The following ZNF350 variants were observed in gnomAD, a reference collection of about 807,000 sequenced individuals.
The protein encoded by ZNF350 is zinc finger protein 350.
Under a neutral mutation model 13.1 loss-of-function variants are expected in ZNF350, and 5 were observed. The observed-to-expected ratio is 0.38, with a 90% CI of 0.20 to 0.80. The LOEUF is 0.80. ZNF350 is among the 30% of genes least tolerant of loss of function. The pLI is 0.43. For synonymous variants in ZNF350, 199 were observed against 224.2 expected (o/e 0.89, Z 1.00); for missense variants, 534 against 644.2 (o/e 0.83, Z 1.85).
intron 2 of ZNF350, among the ~76,000 whole-genome samples, chr19:51,971,199 A>G (rs1254683997): frequency 6.6e-6 from 1 of 152,260 alleles, no homozygotes. Flanking sequence ...TACAGAGGCC[A>G]GTGAACACAC....
chr19:51,975,956 G>C (rs1350042361), intron 1 of ZNF350, among the ~76,000 whole-genome samples: 1 of 152,356 alleles, frequency 6.6e-6, no homozygotes. Context: ...ACAGCAAACT[G>C]TTTATCATGA....
intron 2 of ZNF350, among the ~76,000 whole-genome samples, chr19:51,969,997 A>G (rs1017274202): frequency 3.3e-5 from 5 of 151,508 alleles, no homozygotes; most frequent in African/African-American, 7.3e-5. Flanking sequence ...GGAGCAGGCA[A>G]TTCTTCTGCC....
Position 51,969,057 on chromosome 19 carries a change from C to A in ZNF350, c.90G>T (p.Lys30Asn). ...EEWQLLGAAQ[K>N]DLYRDVMLEN... Reference sequence around the variant, plus strand: ...CCAACATCACATCCCGGTACAGGTCCTTCTGAGCAGCGCCCAGGAGTTGCC... The same window carrying A: ...CCAACATCACATCCCGGTACAGGTCATTCTGAGCAGCGCCCAGGAGTTGCC... The change falls in exon 3 of 5, where the codon AAG (lysine) becomes AAT (asparagine). Residue 30 changes from lysine (K) to asparagine (N), a missense_variant. Transcript: ENST00000243644. The A allele has an allele frequency of 6.2e-7, 1 of 1,614,146 alleles. No individual in the cohort carries two copies. Among genetic ancestry groups the A allele is most frequent in the South Asian group, 1.1e-5 (1 of 91,082 alleles).
chr19:51,968,567 G>C lies in ZNF350; in HGVS notation c.238+11C>G. On this transcript the variant is annotated intron_variant, in intron 4 of 4. Transcript: ENST00000243644. ...GACTTCCATAGCCTTCTGTCTTGTG[G>C]GTTCTCTCACCTGAACAGGCTCCAC... 1 of 1,612,230 alleles carries C rather than the reference G, an allele frequency of 6.2e-7. No individual in the cohort carries two copies. Among genetic ancestry groups the C allele is most frequent in the Non-Finnish European group, 8.5e-7 (1 of 1,178,400 alleles).
At chr19:51,974,194 CATG>C (rs1478488973) in intron 2 of ZNF350, 149 bp downstream of exon 2, 2 of 721,588 alleles carry the variant, frequency 2.8e-6, no homozygotes, top group Non-Finnish European at 4.4e-6. Context: ...TACTATTTTG[CATG>C]ATATTGAGTT....
chr19:51,977,045 T>C (rs907515136), intron 1 of ZNF350, among the ~76,000 whole-genome samples: 7 of 152,222 alleles, frequency 4.6e-5, no homozygotes, highest in African/African-American at 1.7e-4. Context: ...AATTGGCCTA[T>C]ACTGCCTCCT....
At chr19:51,966,281 G>GTTTTTTTTT (rs72177430) in intron 4 of ZNF350, 67 bp from the exon 5 acceptor site, 11 of 1,409,158 alleles carry the variant, frequency 7.8e-6, no homozygotes, top group African/African-American at 7.7e-5. Context: ...TGGTTTTTTT[G>GTTTTTTTTT]TTTTTTTTGT....
intron 1 of ZNF350, among the ~76,000 whole-genome samples, chr19:51,983,220 T>G (rs931771382): frequency 9.2e-5 from 14 of 152,138 alleles, no homozygotes; most frequent in African/African-American, 3.4e-4. Context: ...CATTCTCCAG[T>G]CTCAAGTACC....
chr19:51,977,789 A>C (rs1194366072), intron 1 of ZNF350, among the ~76,000 whole-genome samples: 1 of 152,250 alleles, frequency 6.6e-6, no homozygotes, highest in Admixed American at 6.5e-5. Flanking sequence ...TGAGGTGTAC[A>C]AAAAACTTGG....
intron 1 of ZNF350, among the ~76,000 whole-genome samples, chr19:51,975,273 G>A (rs956066449): frequency 3.3e-5 from 5 of 151,886 alleles, no homozygotes; most frequent in African/African-American, 1.2e-4. Context: ...GTCCGAGACC[G>A]GCCTAGCCAA....
At position 51,966,016 on chromosome 19, in the gene ZNF350, C is replaced by T. The variant is rs887248246; in HGVS notation, c.437G>A (p.Ser146Asn). 2 of 1,613,934 alleles carry T rather than the reference C, an allele frequency of 1.2e-6. No homozygotes were observed. Among genetic ancestry groups the T allele is most frequent in the African/African-American group, 1.3e-5 (1 of 74,904 alleles). Reference sequence around the variant, plus strand: ...AGAGTTCTTTATTTCATAGCCTTTGCTCTGGTTAACTAAAGTTAAATTGGA... The same window carrying T: ...AGAGTTCTTTATTTCATAGCCTTTGTTCTGGTTAACTAAAGTTAAATTGGA... ...LKSNLTLVNQ[S>N]KGYEIKNSVE... is the part of the protein sequence containing the mutation. The change falls in exon 5 of 5, where the codon AGC becomes AAC. Residue 146 changes from serine (S) to asparagine (N), a missense_variant. Physicochemically the swap from Ser to Asn is conservative, Grantham distance 46. Transcript: ENST00000243644.
chr19:51,969,015 C>A lies in ZNF350; in HGVS notation c.132G>T (p.Leu44=). The change falls in exon 3 of 5, where the codon CTG becomes CTT. Residue 44 remains leucine (L), a synonymous_variant. Transcript: ENST00000243644. ...GGCAGCTGTCCTCACCCACTGCCAC[C>A]AGGTTGCTGTAGTTCTCCAACATCA... ...RDVMLENYSN[L]VAVGYQASKP... 6.2e-7 allele frequency: 1 copy of A among 1,614,050 alleles called. No homozygotes were observed. The highest frequency in any genetic ancestry group is 8.5e-7 in the Non-Finnish European group (1 of 1,179,964).
chr19:51,967,135 T>G (rs1156939423), intron 4 of ZNF350, among the ~76,000 whole-genome samples: 5 of 152,200 alleles, frequency 3.3e-5, no homozygotes, highest in African/African-American at 1.2e-4. Context: ...AAAGACAGAT[T>G]TGGCTGCTTT....
At chr19:51,986,743 C>T (rs190127487) in intron 1 of ZNF350, 27 bp downstream of exon 1, 1 of 152,616 alleles carries the variant, frequency 6.6e-6, no homozygotes, top group East Asian at 1.9e-4. Context: ...GGACAAAAAA[C>T]TTTCAGGGAC....
At chr19:51,973,523 CA>C (rs751047134) in intron 2 of ZNF350, 12 of 152,134 alleles carry the variant, frequency 7.9e-5, no homozygotes, top group South Asian at 2.1e-4. Context: ...ACACAAAGGC[CA>C]AAACTCCCTT....
chr19:51,983,482 G>A (rs938326113), intron 1 of ZNF350, among the ~76,000 whole-genome samples: 4 of 152,104 alleles, frequency 2.6e-5, no homozygotes, highest in Admixed American at 6.5e-5. Flanking sequence ...GGAATGTCCC[G>A]GTATAAAACC....
Position 51,974,377 on chromosome 19 carries a change from A to T in ZNF350, c.-17T>A. 1 of 1,613,764 alleles carries T rather than the reference A, an allele frequency of 6.2e-7. No individual in the cohort carries two copies. The highest frequency in any genetic ancestry group is 8.5e-7 in the Non-Finnish European group (1 of 1,179,810). On this transcript the variant is annotated 5_prime_UTR_variant, in exon 2 of 5. Transcript: ENST00000243644. The stretch of plus-strand genomic sequence containing the variant: ...CTGGATCATTTTCTTCTGTTCTTGG[A>T]AGACAGCATTCAACTGGGATGGTCT...
intron 2 of ZNF350, among the ~76,000 whole-genome samples, chr19:51,971,024 C>A (rs1599935438): frequency 6.6e-6 from 1 of 152,080 alleles, no homozygotes; most frequent in South Asian, 2.1e-4. Flanking sequence ...GCATGGCTGG[C>A]AAAGGACCTA....
At chr19:51,966,767 C>T (rs1019487117) in intron 4 of ZNF350, among the ~76,000 whole-genome samples, 1 of 151,958 alleles carries the variant, frequency 6.6e-6, no homozygotes, top group Non-Finnish European at 1.5e-5. Flanking sequence ...CCTGCCTCAG[C>T]CTCCCGAGTA....
Sources: gnomAD v4.1 joint callset for allele counts (sites outside exome capture counted in the v4.1 genomes callset) on GRCh38, gnomAD v4.1.1 for gene constraint, MANE v1.5 for transcripts, NCBI Gene and HGNC (gene_info 2026-07-23, HGNC 2026-07-21) for gene names.